The following LRRC4C variants were observed in gnomAD, a reference collection of about 807,000 sequenced individuals.
LRRC4C encodes the protein leucine-rich repeat-containing protein 4C.
In LRRC4C, 5 loss-of-function variants were observed where a neutral mutation model predicts 33.6. The observed-to-expected ratio is 0.15, with a 90% CI of 0.08 to 0.31. The LOEUF (loss-of-function observed/expected upper bound fraction) is 0.31. Among genes scored for constraint, LRRC4C ranks in the 10% least tolerant of loss-of-function variants. The pLI is 1.00. For synonymous variants in LRRC4C, 329 were observed against 302.0 expected (o/e 1.09, Z -0.93); for missense variants, 560 against 796.7 (o/e 0.70, Z 3.58).
intron 3 of LRRC4C, among the ~76,000 whole-genome samples, chr11:40,604,226 G>A (rs139727480): frequency 1.3e-5 from 2 of 152,028 alleles, no homozygotes; most frequent in African/African-American, 2.4e-5. Context: ...CACTAAAAAT[G>A]TTTCCAGTAT....
chr11:40,410,272 TCTTA>T (rs571813942), intron 3 of LRRC4C, among the ~76,000 whole-genome samples: 7 of 152,120 alleles, frequency 4.6e-5, no homozygotes, highest in South Asian at 4.1e-4. Context: ...TTATAATATA[TCTTA>T]CTTAACTCAA....
intron 2 of LRRC4C, among the ~76,000 whole-genome samples, chr11:40,739,318 T>C (rs1363549782): frequency 6.6e-6 from 1 of 152,034 alleles, no homozygotes; most frequent in African/African-American, 2.4e-5. Flanking sequence ...TATTTGTTTT[T>C]CTGTGCCAGG....
At chr11:40,932,017 C>G (rs1414355111) in intron 2 of LRRC4C, among the ~76,000 whole-genome samples, 1 of 152,052 alleles carries the variant, frequency 6.6e-6, no homozygotes, top group African/African-American at 2.4e-5. Flanking sequence ...GTTAATTGTC[C>G]TGACCTCAAG....
At chr11:40,873,965 C>G (rs1384553907) in intron 2 of LRRC4C, among the ~76,000 whole-genome samples, 2 of 152,048 alleles carry the variant, frequency 1.3e-5, no homozygotes, top group African/African-American at 4.8e-5. Context: ...CATTGACATA[C>G]AGAGTAGATA....
At chr11:40,217,841 G>A (rs1864085492) in intron 5 of LRRC4C, among the ~76,000 whole-genome samples, 1 of 152,046 alleles carries the variant, frequency 6.6e-6, no homozygotes, top group Non-Finnish European at 1.5e-5. Flanking sequence ...AGTTTGAAAA[G>A]TAAATTGAAA....
At chr11:40,674,641 T>C (rs546577623) in intron 2 of LRRC4C, among the ~76,000 whole-genome samples, 4 of 152,330 alleles carry the variant, frequency 2.6e-5, no homozygotes. Context: ...ATAAATCATA[T>C]GCCTTCTTAT....
At chr11:40,572,874 G>T (rs72886949) in intron 3 of LRRC4C, among the ~76,000 whole-genome samples, 1 of 152,162 alleles carries the variant, frequency 6.6e-6, no homozygotes, top group Non-Finnish European at 1.5e-5. Context: ...TGGTATTAAA[G>T]AAGTGAGATG....
intron 1 of LRRC4C, among the ~76,000 whole-genome samples, chr11:41,233,902 G>A (rs149581964): frequency 2.0e-5 from 3 of 151,652 alleles, no homozygotes; most frequent in African/African-American, 7.3e-5. Flanking sequence ...GGGGCAGGAG[G>A]GAAACCCCAC....
chr11:41,444,175 G>C (rs1410703095), intron 1 of LRRC4C, among the ~76,000 whole-genome samples: 1 of 152,144 alleles, frequency 6.6e-6, no homozygotes, highest in Non-Finnish European at 1.5e-5. Flanking sequence ...ATAATAATGA[G>C]TACAGTTGGC....
intron 1 of LRRC4C, among the ~76,000 whole-genome samples, chr11:41,088,466 T>C (rs1344322601): frequency 6.6e-6 from 1 of 152,084 alleles, no homozygotes; most frequent in African/African-American, 2.4e-5. Context: ...CCTGGCTCTT[T>C]TCCATAGCCA....
chr11:40,771,835 T>C (rs1949768704), intron 2 of LRRC4C, among the ~76,000 whole-genome samples: 1 of 152,168 alleles, frequency 6.6e-6, no homozygotes, highest in Admixed American at 6.5e-5. Flanking sequence ...TGTCAGCATT[T>C]TAGTCAAAGC....
chr11:41,001,051 G>T (rs4756626), intron 1 of LRRC4C, among the ~76,000 whole-genome samples: 22,724 of 151,976 alleles, frequency 0.15, 1,808 homozygotes, highest in Middle Eastern at 0.21. Flanking sequence ...GAAAGACAGA[G>T]TTATTTTATT....
intron 2 of LRRC4C, among the ~76,000 whole-genome samples, chr11:40,839,699 A>G (rs1366608564): frequency 6.6e-6 from 1 of 152,168 alleles, no homozygotes; most frequent in African/African-American, 2.4e-5. Context: ...CTACAGATGG[A>G]AAGGATCCTT....
chr11:40,144,688 C>A (rs533290598), intron 5 of LRRC4C, among the ~76,000 whole-genome samples: 2 of 152,252 alleles, frequency 1.3e-5, no homozygotes, highest in East Asian at 3.9e-4. Context: ...TATAATTTTT[C>A]ATTTTGCAGT....
chr11:41,247,473 C>T (rs1276046094), intron 1 of LRRC4C, among the ~76,000 whole-genome samples: 1 of 152,152 alleles, frequency 6.6e-6, no homozygotes, highest in African/African-American at 2.4e-5. Flanking sequence ...CAGTAAAAAA[C>T]GTTAAAATTC....
intron 1 of LRRC4C, among the ~76,000 whole-genome samples, chr11:41,098,157 CCTTA>C (rs2135589321): frequency 6.6e-6 from 1 of 152,174 alleles, no homozygotes; most frequent in South Asian, 2.1e-4. Context: ...CCTCTGCTTT[CCTTA>C]CTTCCCCCAA....
intron 1 of LRRC4C, among the ~76,000 whole-genome samples, chr11:41,213,283 G>A (rs1440141311): frequency 6.6e-6 from 1 of 152,134 alleles, no homozygotes; most frequent in Non-Finnish European, 1.5e-5. Context: ...ATGAAATGAT[G>A]TGATAATATA....
intron 1 of LRRC4C, among the ~76,000 whole-genome samples, chr11:41,292,855 T>C (rs1255041874): frequency 6.6e-6 from 1 of 152,156 alleles, no homozygotes; most frequent in African/African-American, 2.4e-5. Context: ...AATATAGTAA[T>C]ATGTATCTAA....
chr11:41,069,197 A>G, intron 1 of LRRC4C, among the ~76,000 whole-genome samples: 1 of 152,322 alleles, frequency 6.6e-6, no homozygotes. Context: ...GAGACAGAAA[A>G]GGCCTTCAAT....
Sources: gnomAD v4.1 joint callset for allele counts (sites outside exome capture counted in the v4.1 genomes callset) on GRCh38, gnomAD v4.1.1 for gene constraint, MANE v1.5 for transcripts, NCBI Gene and HGNC (gene_info 2026-07-23, HGNC 2026-07-21) for gene names.